The following BEND6 variants were observed in gnomAD, a reference collection of about 807,000 sequenced individuals.
BEND6 encodes the protein BEN domain containing 6.
BEND6 carries 24 observed loss-of-function variants against 31.8 expected under a neutral mutation model. That is an observed-to-expected ratio of 0.75 (90% CI 0.55 to 1.06). The LOEUF (loss-of-function observed/expected upper bound fraction) is 1.06. Among genes scored for constraint, BEND6 ranks in the 50% least tolerant of loss-of-function variants. The pLI, the probability that BEND6 is intolerant of heterozygous loss-of-function variation, is 0.00. For synonymous variants in BEND6, 109 were observed against 114.6 expected (o/e 0.95, Z 0.31); for missense variants, 294 against 327.4 (o/e 0.90, Z 0.79).
intron 1 of BEND6, among the ~76,000 whole-genome samples, chr6:56,959,726 A>G (rs1354017934): frequency 1.3e-4 from 20 of 152,336 alleles, no homozygotes; most frequent in Admixed American, 1.2e-3. Context: ...GTAATATCAA[A>G]TATTATTTTC....
intron 3 of BEND6, chr6:57,009,817 A>C (rs1375321362): frequency 6.6e-6 from 1 of 152,206 alleles, no homozygotes; most frequent in Admixed American, 6.5e-5. Flanking sequence ...TGGTATTCAA[A>C]AAAGAAGAAA....
intron 1 of BEND6, among the ~76,000 whole-genome samples, chr6:56,957,682 CT>C (rs1554284332): frequency 6.6e-6 from 1 of 152,112 alleles, no homozygotes; most frequent in Non-Finnish European, 1.5e-5. Context: ...TGGCCCAAAT[CT>C]TTCATACAAA....
chr6:57,003,139 C>T (rs1376902693), intron 3 of BEND6, among the ~76,000 whole-genome samples: 1 of 152,128 alleles, frequency 6.6e-6, no homozygotes, highest in Admixed American at 6.6e-5. Context: ...CACACACTCT[C>T]CTAAGGTTGA....
At chr6:56,978,437 C>T (rs892193199) in intron 1 of BEND6, among the ~76,000 whole-genome samples, 9 of 152,166 alleles carry the variant, frequency 5.9e-5, no homozygotes, top group African/African-American at 2.2e-4. Flanking sequence ...CAACCTACTC[C>T]TCACCCATAA....
At chr6:57,006,499 G>A (rs9396250) in intron 3 of BEND6, among the ~76,000 whole-genome samples, 107,152 of 152,142 alleles carry the variant, frequency 0.7, 38,803 homozygotes, top group South Asian at 0.89. Flanking sequence ...ACTCAACAAC[G>A]TGTTGGGAAA....
intron 1 of BEND6, among the ~76,000 whole-genome samples, chr6:56,956,910 A>T (rs1021457800): frequency 2.0e-5 from 3 of 152,238 alleles, no homozygotes; most frequent in Non-Finnish European, 2.9e-5. Flanking sequence ...GGCATGGTGG[A>T]GTAATTTTAA....
intron 5 of BEND6, among the ~76,000 whole-genome samples, chr6:57,017,898 A>G (rs778656173): frequency 1.3e-4 from 19 of 151,784 alleles, no homozygotes; most frequent in Non-Finnish European, 2.1e-4. Flanking sequence ...AACATACAAC[A>G]ATGTCTGTCT....
At chr6:56,987,598 A>G (rs1826330068) in intron 2 of BEND6, among the ~76,000 whole-genome samples, 1 of 152,086 alleles carries the variant, frequency 6.6e-6, no homozygotes, top group Non-Finnish European at 1.5e-5. Flanking sequence ...CTTTCCCCCT[A>G]AAGGGCAGGG....
At position 57,019,902 on chromosome 6, in the gene BEND6, G is replaced by A. The variant is rs1049724072; in HGVS notation, c.*9+1345G>A. On this transcript the variant is annotated intron_variant, in intron 6 of 6. Coordinates refer to ENST00000370746, the MANE Select transcript of BEND6 (RefSeq NM_152731.3). ...GAGCCCAGGAGTTCGAGACCAGCCT[G>A]GCCAACATGGCAAGACCCCATCTTT... 2.0e-5 allele frequency among the ~76,000 whole-genome samples: 3 copies of A among 152,112 alleles called. No individual in the cohort carries two copies. The East Asian group carries it at 5.8e-4, about 29-fold the overall frequency.
At position 57,000,576 on chromosome 6, in the gene BEND6, A is replaced by T. The variant is rs567615127; in HGVS notation, c.298+8021A>T. ...ACCCAAGAATGATCAATAAATACTA[A>T]AAAAACAAACAAAAAAAAAAAACCA... On this transcript the variant is annotated intron_variant, in intron 3 of 6. Transcript: ENST00000370746. 1.9e-4 allele frequency among the ~76,000 whole-genome samples: 28 copies of T among 150,182 alleles called. No homozygotes were observed. The South Asian group carries it at 5.7e-3, about 31-fold the overall frequency.
intron 6 of BEND6, among the ~76,000 whole-genome samples, chr6:57,019,898 GC>G (rs1317216923): frequency 6.6e-6 from 1 of 152,134 alleles, no homozygotes; most frequent in Non-Finnish European, 1.5e-5. Flanking sequence ...TTCGAGACCA[GC>G]CTGGCCAACA....
chr6:56,968,460 G>A (rs529932045), intron 1 of BEND6, among the ~76,000 whole-genome samples: 4 of 151,164 alleles, frequency 2.6e-5, no homozygotes, highest in Admixed American at 1.3e-4. Context: ...AGCTGGGACT[G>A]TAGGTGTGCC....
chr6:56,957,490 A>G (rs1825129456), intron 1 of BEND6, among the ~76,000 whole-genome samples: 1 of 152,218 alleles, frequency 6.6e-6, no homozygotes, highest in Admixed American at 6.5e-5. Context: ...TGCCTAATGC[A>G]TTGCGGAATT....
chr6:57,019,145 A>AT (rs1827660554), intron 6 of BEND6, among the ~76,000 whole-genome samples: 1 of 152,164 alleles, frequency 6.6e-6, no homozygotes. Flanking sequence ...TTTAATAAGG[A>AT]TTTTTACCAA....
chr6:57,007,708 T>C (rs1469116376), intron 3 of BEND6, among the ~76,000 whole-genome samples: 1 of 152,120 alleles, frequency 6.6e-6, no homozygotes. Context: ...GGCGGGAAGA[T>C]AGCTTGGGTC....
intron 1 of BEND6, among the ~76,000 whole-genome samples, chr6:56,980,354 A>G (rs949938734): frequency 4.6e-5 from 7 of 152,060 alleles, no homozygotes; most frequent in Non-Finnish European, 8.8e-5. Flanking sequence ...ATGCCTGGCT[A>G]ATTTTTGGTA....
At chr6:57,023,372 A>G (rs1459156126) in intron 6 of BEND6, among the ~76,000 whole-genome samples, 1 of 152,218 alleles carries the variant, frequency 6.6e-6, no homozygotes, top group Non-Finnish European at 1.5e-5. Flanking sequence ...TATTATTATA[A>G]GTGACCTCCT....
chr6:57,015,699 G>A (rs1827533619), intron 4 of BEND6, among the ~76,000 whole-genome samples: 1 of 151,810 alleles, frequency 6.6e-6, no homozygotes. Flanking sequence ...CAGCTACTTG[G>A]GAGGCTGAGG....
rs1184471833 is a variant in BEND6 at position 57,026,883 on chromosome 6, G to A, written c.*811G>A. 2 of 152,080 alleles carry A rather than the reference G, an allele frequency of 1.3e-5. No homozygotes were observed. The highest frequency in any genetic ancestry group is 4.8e-5 in the African/African-American group (2 of 41,408). 9.4% of individuals were successfully genotyped at this position (152,080 alleles called of 1,614,324 possible). On this transcript the variant is annotated 3_prime_UTR_variant, in exon 7 of 7. Transcript: ENST00000370746. Reference sequence around the variant, plus strand: ...ATTAAATACAGATGTGTAATATAAAGCATCAATATCACCTAACACATCGTA... The same window carrying A: ...ATTAAATACAGATGTGTAATATAAAACATCAATATCACCTAACACATCGTA...
Sources: gnomAD v4.1 joint callset for allele counts (sites outside exome capture counted in the v4.1 genomes callset) on GRCh38, gnomAD v4.1.1 for gene constraint, MANE v1.5 for transcripts, NCBI Gene and HGNC (gene_info 2026-07-23, HGNC 2026-07-21) for gene names.